TET1: variants seen among roughly 807,000 people sequenced by gnomAD.
The protein encoded by TET1 is tet methylcytosine dioxygenase 1.
A neutral mutation model predicts 148.7 loss-of-function variants in TET1; 13 were observed. That is an observed-to-expected ratio of 0.09 (90% CI 0.06 to 0.14). TET1 has a LOEUF of 0.14. Among genes scored for constraint, TET1 ranks in the 10% least tolerant of loss-of-function variants. The pLI, the probability that TET1 is intolerant of heterozygous loss-of-function variation, is 1.00. For synonymous variants in TET1, 907 were observed against 937.2 expected (o/e 0.97, Z 0.59); for missense variants, 2,182 against 2,553.8 (o/e 0.85, Z 3.14).
At chr10:68,669,017 G>A (rs1266538637) in intron 7 of TET1, among the ~76,000 whole-genome samples, 1 of 151,552 alleles carries the variant, frequency 6.6e-6, no homozygotes, top group Non-Finnish European at 1.5e-5. Flanking sequence ...TGGGCCTGAT[G>A]TACTGGCTCA....
In TET1 at chr10:68,682,832, C is replaced by A. The variant is rs1386531653; in HGVS notation, c.4915-4C>A. On this transcript the variant is annotated splice_polypyrimidine_tract_variant and splice_region_variant and intron_variant, in intron 9 of 11. Transcript: ENST00000373644. ...AAGATTGTGCTCCATGCTTTCTTTT[C>A]TAGGTGGAATATGAAAATGTTGCCC... The A allele has an allele frequency of 6.2e-7, 1 of 1,612,184 alleles. No homozygotes were observed. The highest frequency in any genetic ancestry group is 1.1e-5 in the South Asian group (1 of 90,716).
chr10:68,575,342 C>T (rs1000718428), intron 2 of TET1, among the ~76,000 whole-genome samples: 1 of 151,894 alleles, frequency 6.6e-6, no homozygotes, highest in African/African-American at 2.4e-5. Context: ...CAAGATTGCG[C>T]CATTGCATTC....
intron 2 of TET1, among the ~76,000 whole-genome samples, chr10:68,580,793 A>ATATAT (rs1271323655): frequency 1.6e-4 from 20 of 126,516 alleles, no homozygotes; most frequent in African/African-American, 5.8e-4. Flanking sequence ...AAAAAAAAAA[A>ATATAT]AAAAAAAAAA....
intron 8 of TET1, chr10:68,674,388 TTTTC>T: frequency 3.8e-6 from 1 of 261,388 alleles, no homozygotes; most frequent in Non-Finnish European, 7.5e-6. Flanking sequence ...GCTTGATCCA[TTTTC>T]TAAGAAAGAT....
At chr10:68,676,801 GA>G (rs1318800203) in intron 8 of TET1, among the ~76,000 whole-genome samples, 1 of 152,114 alleles carries the variant, frequency 6.6e-6, no homozygotes, top group Non-Finnish European at 1.5e-5. Flanking sequence ...AATTCTTACT[GA>G]AACATTATAG....
chr10:68,600,971 T>A lies in TET1; in HGVS notation c.1915-10T>A. 1 of 1,591,242 alleles carries A rather than the reference T, an allele frequency of 6.3e-7. No individual in the cohort carries two copies. Among genetic ancestry groups the A allele is most frequent in the Non-Finnish European group, 8.5e-7 (1 of 1,172,650 alleles). On this transcript the variant is annotated splice_polypyrimidine_tract_variant and intron_variant, in intron 2 of 11. Coordinates refer to ENST00000373644, the MANE Select transcript of TET1 (RefSeq NM_030625.3). ...AACAGAGGCTCATTTTGCAATTTGA[T>A]TTTTTTTAGGTTATAAAGGAAAACA...
chr10:68,687,273 A>G (rs997206595), intron 11 of TET1, among the ~76,000 whole-genome samples: 1 of 151,946 alleles, frequency 6.6e-6, no homozygotes, highest in Admixed American at 6.6e-5. Context: ...TTTATTGCCC[A>G]GGCTGGCTTG....
chr10:68,680,279 C>G (rs2055418309), intron 8 of TET1, among the ~76,000 whole-genome samples: 1 of 152,182 alleles, frequency 6.6e-6, no homozygotes, highest in Admixed American at 6.5e-5. Flanking sequence ...CTCCTTCCAC[C>G]AAATCTCACA....
intron 3 of TET1, among the ~76,000 whole-genome samples, chr10:68,642,659 T>C (rs10740304): frequency 0.7 from 105,831 of 151,858 alleles, 39,389 homozygotes; most frequent in East Asian, 0.84. Context: ...AGGTGGAGTG[T>C]AGCAGCACAA....
chr10:68,595,979 TATATAC>T (rs2053980116), intron 2 of TET1, among the ~76,000 whole-genome samples: 2 of 30,354 alleles, frequency 6.6e-5, no homozygotes, highest in Admixed American at 4.8e-4. Flanking sequence ...CACACACACA[TATATAC>T]ACACACACAC....
Position 68,691,072 on chromosome 10 carries a change from G to A in TET1, c.5669G>A (p.Gly1890Asp). ...ACGATGCCTTCGGGAAGACTCAGTG[G>A]TGCCAATGCAGCTGCTGCTGATGGC... ...HCTMPSGRLS[G>D]ANAAAADGPG... is the part of the protein sequence containing the mutation. The change falls in exon 12 of 12, where the codon GGT becomes GAT. Residue 1890 changes from glycine (G) to aspartate (D), a missense_variant. Transcript: ENST00000373644. The surrounding 1 kb of genome is among the most constrained non-coding windows in gnomAD (Gnocchi z 4.4). 2 of 1,614,172 alleles carry A rather than the reference G, an allele frequency of 1.2e-6. No homozygotes were observed. The highest frequency in any genetic ancestry group is 1.7e-6 in the Non-Finnish European group (2 of 1,180,028).
intron 2 of TET1, among the ~76,000 whole-genome samples, chr10:68,596,025 CACATAT>C (rs1284572276): frequency 7.1e-5 from 4 of 56,020 alleles, no homozygotes; most frequent in Non-Finnish European, 1.6e-4. Flanking sequence ...CACACACACA[CACATAT>C]ATATATATAT....
chr10:68,647,832 T>C (rs2054874725), intron 4 of TET1, among the ~76,000 whole-genome samples: 1 of 152,210 alleles, frequency 6.6e-6, no homozygotes, highest in South Asian at 2.1e-4. Flanking sequence ...TCTTTTTCAG[T>C]GTCTAGTGCT....
rs1276783407 is a variant in TET1, at chr10:68,694,103, C to T, written c.*2289C>T. On this transcript the variant is annotated 3_prime_UTR_variant, in exon 12 of 12. Transcript: ENST00000373644. ...AATTGATCTCTCTCTCAATAGGTTT[C>T]TTAACAATCTAAACTTGAAACATCA... The T allele has an allele frequency of 4.3e-6, 1 of 232,308 alleles. No homozygotes were observed. The highest frequency in any genetic ancestry group is 8.5e-6 in the Non-Finnish European group (1 of 117,558). 14.4% of individuals were successfully genotyped at this position (232,308 alleles called of 1,614,324 possible).
At chr10:68,681,715 C>G (rs1340287784) in intron 9 of TET1, among the ~76,000 whole-genome samples, 2 of 152,030 alleles carry the variant, frequency 1.3e-5, no homozygotes, top group African/African-American at 4.8e-5. Flanking sequence ...GCCTGTAATC[C>G]CAGAACTTTG....
chr10:68,626,966 A>G (rs2054492425), intron 3 of TET1, among the ~76,000 whole-genome samples: 1 of 152,216 alleles, frequency 6.6e-6, no homozygotes, highest in Admixed American at 6.5e-5. Context: ...TTGTACAGTT[A>G]AGAATTATTA....
intron 1 of TET1, among the ~76,000 whole-genome samples, chr10:68,561,539 G>A (rs545709283): frequency 6.6e-6 from 1 of 152,292 alleles, no homozygotes; most frequent in African/African-American, 2.4e-5. Flanking sequence ...CGGGATCCCG[G>A]AGCGGGCCCC....
intron 3 of TET1, among the ~76,000 whole-genome samples, chr10:68,633,044 C>T (rs895850820): frequency 6.6e-6 from 1 of 151,806 alleles, no homozygotes; most frequent in Non-Finnish European, 1.5e-5. Context: ...ATTAGCTGGG[C>T]GTGGTGGTGG....
At chr10:68,575,381 T>C (rs1185434613) in intron 2 of TET1, among the ~76,000 whole-genome samples, 1 of 121,968 alleles carries the variant, frequency 8.2e-6, no homozygotes, top group African/African-American at 4.3e-5. Flanking sequence ...CGAAACTCTG[T>C]CTCAAAAATA....
Sources: allele counts gnomAD v4.1 joint callset (sites outside exome capture counted in the v4.1 genomes callset), GRCh38; gene constraint gnomAD v4.1.1; non-coding constraint Gnocchi (gnomAD v3.1); transcripts MANE v1.5; gene names NCBI Gene and HGNC (gene_info 2026-07-23, HGNC 2026-07-21).